Variants in ZNF385B observed in about 807,000 individuals in gnomAD.
ZNF385B encodes zinc finger protein 385B, also known as zinc finger protein 533.
Under a neutral mutation model 39.2 loss-of-function variants are expected in ZNF385B, and 23 were observed. That is an observed-to-expected ratio of 0.59 (90% confidence interval 0.42 to 0.83). The LOEUF (loss-of-function observed/expected upper bound fraction) is 0.83. Among genes scored for constraint, ZNF385B ranks in the 40% least tolerant of loss-of-function variants. The pLI is 0.00. For synonymous variants in ZNF385B, 205 were observed against 222.6 expected (o/e 0.92, Z 0.70); for missense variants, 552 against 598.9 (o/e 0.92, Z 0.82).
intron 1 of ZNF385B, among the ~76,000 whole-genome samples, chr2:179,828,556 T>C (rs138475323): frequency 1.9e-4 from 29 of 152,294 alleles, no homozygotes; most frequent in African/African-American, 6.7e-4. Context: ...GGTTTAATAC[T>C]AAGCAAACCA....
chr2:179,588,766 C>A (rs1303083395), intron 3 of ZNF385B, among the ~76,000 whole-genome samples: 1 of 152,074 alleles, frequency 6.6e-6, no homozygotes. Context: ...CAATGCACTG[C>A]CCTTTGTGTA....
chr2:179,535,216 T>C (rs115918014), intron 4 of ZNF385B, among the ~76,000 whole-genome samples: 38 of 152,322 alleles, frequency 2.5e-4, no homozygotes, highest in Non-Finnish European at 4.7e-4. Context: ...AGATCTTTAG[T>C]TGGCTCAAGA....
chr2:179,783,109 G>T (rs1244929713), intron 1 of ZNF385B, among the ~76,000 whole-genome samples: 1 of 152,084 alleles, frequency 6.6e-6, no homozygotes, highest in Non-Finnish European at 1.5e-5. Flanking sequence ...TAACCAAATA[G>T]CATAGGACTG....
At chr2:179,649,354 G>T (rs998650041) in intron 3 of ZNF385B, among the ~76,000 whole-genome samples, 4 of 152,194 alleles carry the variant, frequency 2.6e-5, no homozygotes, top group African/African-American at 9.6e-5. Context: ...TCTGAGGATT[G>T]GGTATAGGAT....
At chr2:179,481,915 T>C (rs1443887363) in intron 6 of ZNF385B, among the ~76,000 whole-genome samples, 1 of 152,218 alleles carries the variant, frequency 6.6e-6, no homozygotes, top group East Asian at 1.9e-4. Context: ...TTATACCTGA[T>C]AGATATTGAT....
chr2:179,732,514 T>A (rs185442349), intron 3 of ZNF385B, among the ~76,000 whole-genome samples: 7 of 152,300 alleles, frequency 4.6e-5, no homozygotes, highest in African/African-American at 1.7e-4. Context: ...AGCTAGATAA[T>A]CAATAGTCAG....
intron 4 of ZNF385B, 39 bp downstream of exon 4, chr2:179,544,788 G>T (rs182563518): frequency 2.4e-4 from 387 of 1,611,482 alleles, no homozygotes; most frequent in Non-Finnish European, 3.0e-4. Flanking sequence ...TGAAATTGAT[G>T]GAGGAGGACA....
intron 3 of ZNF385B, among the ~76,000 whole-genome samples, chr2:179,611,453 G>T (rs1281087848): frequency 1.3e-5 from 2 of 152,096 alleles, no homozygotes; most frequent in Non-Finnish European, 2.9e-5. Flanking sequence ...CTAACATTTT[G>T]TTGAGGTTTT....
intron 1 of ZNF385B, among the ~76,000 whole-genome samples, chr2:179,833,653 T>A (rs1214256532): frequency 6.6e-6 from 1 of 152,180 alleles, no homozygotes; most frequent in Non-Finnish European, 1.5e-5. Context: ...CACCTGGTAG[T>A]ACTGAATATG....
At chr2:179,604,951 T>C (rs925311932) in intron 3 of ZNF385B, among the ~76,000 whole-genome samples, 8 of 152,224 alleles carry the variant, frequency 5.3e-5, no homozygotes, top group Admixed American at 5.2e-4. Context: ...GACAAGTAAT[T>C]TGTTTCCCAC....
chr2:179,852,011 T>G (rs1299726669), intron 1 of ZNF385B, among the ~76,000 whole-genome samples: 28 of 152,164 alleles, frequency 1.8e-4, no homozygotes, highest in Non-Finnish European at 4.1e-4. Context: ...CTCGACAAAT[T>G]TAAACCTTGC....
At chr2:179,823,051 A>G (rs1353093932) in intron 1 of ZNF385B, among the ~76,000 whole-genome samples, 1 of 152,156 alleles carries the variant, frequency 6.6e-6, no homozygotes, top group Non-Finnish European at 1.5e-5. Context: ...AGTGTTCAAG[A>G]GCTCAAAATT....
intron 3 of ZNF385B, among the ~76,000 whole-genome samples, chr2:179,738,754 T>C (rs1345585757): frequency 3.3e-5 from 5 of 152,192 alleles, no homozygotes; most frequent in Non-Finnish European, 7.4e-5. Context: ...ATCAATTGTG[T>C]CTTCCTATAT....
chr2:179,530,717 CAT>C (rs2059201627), intron 4 of ZNF385B, among the ~76,000 whole-genome samples: 1 of 152,168 alleles, frequency 6.6e-6, no homozygotes, highest in Non-Finnish European at 1.5e-5. Context: ...TATATTTCTT[CAT>C]TTTGCAAAGC....
At chr2:179,471,057 T>C (rs2052716343) in intron 6 of ZNF385B, among the ~76,000 whole-genome samples, 1 of 152,196 alleles carries the variant, frequency 6.6e-6, no homozygotes, top group African/African-American at 2.4e-5. Flanking sequence ...CTTAAAATGA[T>C]ATTATTTTAA....
chr2:179,859,590 C>T (rs1396317320), intron 1 of ZNF385B, among the ~76,000 whole-genome samples: 1 of 152,150 alleles, frequency 6.6e-6, no homozygotes, highest in African/African-American at 2.4e-5. Context: ...AGGAGATCTA[C>T]AAGAATAGCT....
At chr2:179,570,693 C>A (rs182880181) in intron 3 of ZNF385B, among the ~76,000 whole-genome samples, 1 of 152,128 alleles carries the variant, frequency 6.6e-6, no homozygotes, top group East Asian at 1.9e-4. Context: ...TCAACATATT[C>A]CATTTTTATT....
rs1019162308 is a variant in ZNF385B at position 179,861,494 on chromosome 2, GT to G, written c.-549del. ...CCCTGGCCTGGCCGAGGACCCCGGG[GT>G]TTGGACGTGCCAACGCCACTCTCGC... On this transcript the variant is annotated 5_prime_UTR_variant, in exon 1 of 10. Coordinates refer to ENST00000410066, the MANE Select transcript of ZNF385B (RefSeq NM_152520.6). The G allele has an allele frequency of 1.5e-4, 23 of 152,410 alleles. No homozygotes were observed. Among genetic ancestry groups the G allele is most frequent in the African/African-American group, 5.1e-4 (21 of 41,524 alleles). 9.4% of individuals were successfully genotyped at this position (152,410 alleles called of 1,614,324 possible). A position where few individuals can be genotyped will look rare whatever the true frequency, so the allele number is the denominator to read the frequency against.
At chr2:179,711,907 T>A (rs1032007839) in intron 3 of ZNF385B, among the ~76,000 whole-genome samples, 7 of 146,050 alleles carry the variant, frequency 4.8e-5, no homozygotes, top group Middle Eastern at 3.7e-3. Flanking sequence ...TTTTTTTTTT[T>A]ACAAATGGTA....
Sources: gnomAD v4.1 joint callset for allele counts (sites outside exome capture counted in the v4.1 genomes callset) on GRCh38, gnomAD v4.1.1 for gene constraint, MANE v1.5 for transcripts, NCBI Gene and HGNC (gene_info 2026-07-23, HGNC 2026-07-21) for gene names.